GALNTL6: variants seen among roughly 807,000 people sequenced by gnomAD.
The protein encoded by GALNTL6 is polypeptide N-acetylgalactosaminyltransferase like 6, also known as polypeptide N-acetylgalactosaminyltransferase-like 6.
In GALNTL6, 46 loss-of-function variants were observed where a neutral mutation model predicts 73.7. The ratio of observed to expected loss-of-function variants is 0.62; its 90% CI spans 0.49 to 0.80. The LOEUF is 0.80. Among genes scored for constraint, GALNTL6 ranks in the 30% least tolerant of loss-of-function variants. The pLI, the probability that GALNTL6 is intolerant of heterozygous loss-of-function variation, is 0.00. For synonymous variants in GALNTL6, 259 were observed against 263.7 expected (o/e 0.98, Z 0.17); for missense variants, 604 against 755.0 (o/e 0.80, Z 2.34).
chr4:172,557,588 C>G (rs1204763352), intron 5 of GALNTL6, among the ~76,000 whole-genome samples: 1 of 152,074 alleles, frequency 6.6e-6, no homozygotes, highest in Non-Finnish European at 1.5e-5. Context: ...AAGACTTGAA[C>G]AGAAACTTCA....
At chr4:172,686,298 C>CCTGAG (rs1369064033) in intron 5 of GALNTL6, among the ~76,000 whole-genome samples, 1 of 152,106 alleles carries the variant, frequency 6.6e-6, no homozygotes, top group African/African-American at 2.4e-5. Flanking sequence ...ATCAGCAGGA[C>CCTGAG]CTGAGCAGAG....
chr4:172,887,017 T>G (rs1745758398), intron 8 of GALNTL6, among the ~76,000 whole-genome samples: 2 of 152,124 alleles, frequency 1.3e-5, no homozygotes, highest in South Asian at 4.1e-4. Flanking sequence ...CAGTGACTTT[T>G]GTTGTCATAT....
chr4:172,683,198 A>G (rs1732724908), intron 5 of GALNTL6, among the ~76,000 whole-genome samples: 2 of 152,200 alleles, frequency 1.3e-5, no homozygotes, highest in Admixed American at 6.5e-5. Context: ...ACTCTGAGTA[A>G]CAGGCTGTGG....
intron 2 of GALNTL6, among the ~76,000 whole-genome samples, chr4:171,940,119 T>C (rs1489289402): frequency 6.6e-6 from 1 of 152,096 alleles, no homozygotes; most frequent in African/African-American, 2.4e-5. Flanking sequence ...TATGAGAATA[T>C]TGAAAAAATG....
intron 2 of GALNTL6, among the ~76,000 whole-genome samples, chr4:172,178,978 C>T (rs1324140462): frequency 2.6e-5 from 3 of 114,210 alleles, no homozygotes; most frequent in Non-Finnish European, 5.3e-5. Flanking sequence ...CTACAAAGGA[C>T]ATGAACTCAT....
intron 12 of GALNTL6, among the ~76,000 whole-genome samples, chr4:173,031,119 T>G (rs1305996303): frequency 6.6e-6 from 1 of 152,186 alleles, no homozygotes; most frequent in East Asian, 1.9e-4. Flanking sequence ...TGGGCAACTT[T>G]CTTACTATGA....
At chr4:172,376,864 G>C (rs193282216) in intron 5 of GALNTL6, among the ~76,000 whole-genome samples, 3 of 152,132 alleles carry the variant, frequency 2.0e-5, no homozygotes, top group Non-Finnish European at 1.5e-5. Context: ...TGGTGTGTCT[G>C]GAGTTTGTTC....
chr4:172,666,897 T>A (rs1468825900), intron 5 of GALNTL6: 1 of 152,224 alleles, frequency 6.6e-6, no homozygotes, highest in East Asian at 1.9e-4. Flanking sequence ...TGCCTTCTAG[T>A]GAAAGCCACT....
rs532573445 is a variant in GALNTL6 at position 171,997,709 on chromosome 4, A to ATAG, written c.138+182992_138+182994dup. 1.9e-3 allele frequency among the ~76,000 whole-genome samples: 288 copies of ATAG among 152,256 alleles called. 4 individuals carry two copies. The highest frequency in any genetic ancestry group is 4.9e-4 in the Non-Finnish European group (33 of 68,012). The stretch of plus-strand genomic sequence containing the variant: ...CTTTCTTTCATAAGGAATACAAGTA[A>ATAG]TAGCCCAAATAAACATCTTAAGGAA... On this transcript the variant is annotated intron_variant, in intron 2 of 12. Transcript: ENST00000506823.
intron 2 of GALNTL6, among the ~76,000 whole-genome samples, chr4:171,904,484 T>C (rs531767203): frequency 2.6e-5 from 4 of 152,230 alleles, no homozygotes; most frequent in South Asian, 2.1e-4. Context: ...CCAAGAAATA[T>C]GGGACTATGT....
At chr4:172,102,500 G>T (rs1175671307) in intron 2 of GALNTL6, among the ~76,000 whole-genome samples, 2 of 152,112 alleles carry the variant, frequency 1.3e-5, no homozygotes, top group Admixed American at 6.6e-5. Context: ...ATGATGTCAG[G>T]TGTTTTACTG....
chr4:172,280,557 G>A (rs540793743), intron 3 of GALNTL6, among the ~76,000 whole-genome samples: 56 of 151,938 alleles, frequency 3.7e-4, no homozygotes, highest in Admixed American at 6.5e-4. Flanking sequence ...GTTCAAGACT[G>A]TAAATAATTA....
chr4:172,276,076 A>G (rs1267650259), intron 3 of GALNTL6, among the ~76,000 whole-genome samples: 2 of 152,222 alleles, frequency 1.3e-5, no homozygotes, highest in Non-Finnish European at 2.9e-5. Context: ...ACATCACACT[A>G]TGGAGCCTAA....
chr4:171,897,138 G>A (rs1416507325), intron 2 of GALNTL6, among the ~76,000 whole-genome samples: 1 of 151,946 alleles, frequency 6.6e-6, no homozygotes, highest in Non-Finnish European at 1.5e-5. Context: ...AAAAAATCTA[G>A]AAATTGAGAA....
At chr4:172,081,314 A>G (rs924212539) in intron 2 of GALNTL6, among the ~76,000 whole-genome samples, 1 of 152,212 alleles carries the variant, frequency 6.6e-6, no homozygotes, top group African/African-American at 2.4e-5. Flanking sequence ...ACATTAGTAA[A>G]GAACTACAAA....
intron 5 of GALNTL6, among the ~76,000 whole-genome samples, chr4:172,495,522 C>T (rs1449897440): frequency 2.0e-5 from 3 of 152,160 alleles, no homozygotes; most frequent in African/African-American, 7.2e-5. Context: ...CCCTTGAAAC[C>T]TTAGACTCCT....
chr4:172,527,498 A>G (rs1158259284), intron 5 of GALNTL6, among the ~76,000 whole-genome samples: 5 of 152,220 alleles, frequency 3.3e-5, no homozygotes, highest in African/African-American at 1.2e-4. Context: ...GTGAATGGCG[A>G]TATCTTCATG....
At chr4:173,028,868 A>G (rs891906493) in intron 12 of GALNTL6, among the ~76,000 whole-genome samples, 1 of 152,268 alleles carries the variant, frequency 6.6e-6, no homozygotes, top group African/African-American at 2.4e-5. Context: ...AGCATCAAAC[A>G]GGAAGTACAG....
At chr4:172,302,944 T>G (rs1229777111) in intron 3 of GALNTL6, among the ~76,000 whole-genome samples, 1 of 152,104 alleles carries the variant, frequency 6.6e-6, no homozygotes, top group African/African-American at 2.4e-5. Context: ...ACTTCATTTC[T>G]CTTTATTGTT....
Sources: gnomAD v4.1 joint callset for allele counts (sites outside exome capture counted in the v4.1 genomes callset) on GRCh38, gnomAD v4.1.1 for gene constraint, MANE v1.5 for transcripts, NCBI Gene and HGNC (gene_info 2026-07-23, HGNC 2026-07-21) for gene names.